The following CFDP1 variants were observed in gnomAD, a reference collection of about 807,000 sequenced individuals.
CFDP1 encodes the protein heterochromatin-stabilizing protein CFDP1.
CFDP1 carries 31 observed loss-of-function variants against 40.1 expected under a neutral mutation model. The observed-to-expected ratio is 0.77, with a 90% CI of 0.58 to 1.04. The LOEUF is 1.04. Ranked by LOEUF, CFDP1 falls within the 50% of genes least tolerant of loss-of-function variation. The pLI is 0.00. For missense variants in CFDP1, 423 were observed against 343.4 expected (o/e 1.23, Z -1.83); for synonymous variants, 167 against 120.0 (o/e 1.39, Z -2.56).
intron 5 of CFDP1, among the ~76,000 whole-genome samples, chr16:75,368,082 G>A (rs186995921): frequency 6.6e-6 from 1 of 152,222 alleles, no homozygotes; most frequent in Admixed American, 6.5e-5. Flanking sequence ...TGGCCACAGA[G>A]AAGACTCCAT....
At chr16:75,398,962 C>A (rs552493629) in intron 4 of CFDP1, among the ~76,000 whole-genome samples, 3 of 148,938 alleles carry the variant, frequency 2.0e-5, no homozygotes, top group African/African-American at 4.9e-5. Flanking sequence ...GAGGCTGAGG[C>A]AGGAGAATAG....
intron 5 of CFDP1, among the ~76,000 whole-genome samples, chr16:75,372,952 T>A (rs756429519): frequency 3.9e-5 from 6 of 152,162 alleles, no homozygotes; most frequent in Non-Finnish European, 7.4e-5. Flanking sequence ...CTTTATCAAC[T>A]GTAAAAGAAA....
chr16:75,324,415 A>G (rs923865127), intron 5 of CFDP1, among the ~76,000 whole-genome samples: 1 of 152,032 alleles, frequency 6.6e-6, no homozygotes, highest in African/African-American at 2.4e-5. Context: ...TATGAAAAAA[A>G]CTCACTCTAG....
chr16:75,341,888 A>G (rs2078529790), intron 5 of CFDP1, among the ~76,000 whole-genome samples: 1 of 152,094 alleles, frequency 6.6e-6, no homozygotes, highest in Non-Finnish European at 1.5e-5. Flanking sequence ...GAGCAATCAA[A>G]AGACCTAGGT....
rs192773714 is a variant in CFDP1 at position 75,380,409 on chromosome 16, G to A, written c.650+14681C>T. Reference sequence around the variant, plus strand: ...TAGTGGTTACAGCCGGCAGGGTGGGGTGGGGGAAGACAGTTTCAATAACTT... The same window carrying A: ...TAGTGGTTACAGCCGGCAGGGTGGGATGGGGGAAGACAGTTTCAATAACTT... On this transcript the variant is annotated intron_variant, in intron 5 of 6. Transcript: ENST00000283882. 3.9e-5 allele frequency among the ~76,000 whole-genome samples: 6 copies of A among 152,282 alleles called. No individual in the cohort carries two copies. The East Asian group carries it at 9.6e-4, about 24-fold the overall frequency.
intron 5 of CFDP1, among the ~76,000 whole-genome samples, chr16:75,359,247 A>C (rs1457596601): frequency 6.6e-6 from 1 of 152,330 alleles, no homozygotes; most frequent in East Asian, 1.9e-4. Flanking sequence ...TACTATAAAT[A>C]ACAACAGTTA....
intron 5 of CFDP1, among the ~76,000 whole-genome samples, chr16:75,344,282 CACA>C (rs1479703047): frequency 6.6e-6 from 1 of 152,160 alleles, no homozygotes; most frequent in Non-Finnish European, 1.5e-5. Flanking sequence ...GTGATGGCTA[CACA>C]ACACTGTGTA....
intron 5 of CFDP1, among the ~76,000 whole-genome samples, chr16:75,341,522 T>C (rs1315545884): frequency 6.6e-6 from 1 of 152,184 alleles, no homozygotes; most frequent in Non-Finnish European, 1.5e-5. Flanking sequence ...TTGGCTAGAT[T>C]AGCAGAGAGT....
At chr16:75,353,221 C>G (rs984999225) in intron 5 of CFDP1, among the ~76,000 whole-genome samples, 4 of 152,166 alleles carry the variant, frequency 2.6e-5, no homozygotes, top group Non-Finnish European at 4.4e-5. Context: ...ATTAACCAAA[C>G]TTATTAGACC....
At position 75,305,073 on chromosome 16, in the gene CFDP1, C is replaced by G. The variant is rs139249435; in HGVS notation, c.760G>C (p.Glu254Gln). 1 of 1,614,078 alleles carries G rather than the reference C, an allele frequency of 6.2e-7. No individual in the cohort carries two copies. Among genetic ancestry groups the G allele is most frequent in the Non-Finnish European group, 8.5e-7 (1 of 1,180,046 alleles). The change falls in exon 6 of 7, where the codon GAA (glutamate) becomes CAA (glutamine). Residue 254 changes from glutamate to glutamine, a missense_variant. Physicochemically the swap from Glu to Gln is conservative, Grantham distance 29. Transcript: ENST00000283882. Reference sequence around the variant, plus strand: ...GCCAGTTCTTCACCAATCCCCTCTTCCTCCTTGAAGCTCTCCCAGTCCAGT... The same window carrying G: ...GCCAGTTCTTCACCAATCCCCTCTTGCTCCTTGAAGCTCTCCCAGTCCAGT... Reference protein sequence around the residue: ...SKLDWESFKEEEGIGEELAIH... With the variant: ...SKLDWESFKEQEGIGEELAIH...
In CFDP1 at chr16:75,411,862, T is replaced by G. The variant is rs748331626; in HGVS notation, c.493A>C (p.Ile165Leu). 1 of 1,611,952 alleles carries G rather than the reference T, an allele frequency of 6.2e-7. No individual in the cohort carries two copies. The change falls in exon 4 of 7, where the codon ATC becomes CTC. Residue 165 changes from isoleucine (I) to leucine (L), a missense_variant. Ile to Leu is a conservative substitution (Grantham distance 5). Transcript: ENST00000283882. The part of the protein sequence containing the change: ...EKPKETEKVK[I>L]TKVFDFAGEE... ...CCAGCAAAATCAAACACCTTGGTGATTTTAACTTTTTCTGTTTCTTTAGGT... is the reference window on the plus strand; with the variant it reads ...CCAGCAAAATCAAACACCTTGGTGAGTTTAACTTTTTCTGTTTCTTTAGGT...
intron 5 of CFDP1, among the ~76,000 whole-genome samples, chr16:75,360,545 G>A (rs184662438): frequency 7.1e-4 from 108 of 152,294 alleles, no homozygotes; most frequent in African/African-American, 2.5e-3. Context: ...TTCTTATATC[G>A]CATTAACCCC....
intron 3 of CFDP1, among the ~76,000 whole-genome samples, chr16:75,412,305 C>A (rs560019108): frequency 3.3e-4 from 51 of 152,306 alleles, no homozygotes; most frequent in African/African-American, 1.2e-3. Flanking sequence ...TGGTGTGTGG[C>A]ACTGCAGTCA....
At chr16:75,409,071 C>A (rs1036938802) in intron 4 of CFDP1, among the ~76,000 whole-genome samples, 1 of 151,818 alleles carries the variant, frequency 6.6e-6, no homozygotes, top group Non-Finnish European at 1.5e-5. Flanking sequence ...GTTGTTCAGG[C>A]TGGTCTCGAA....
At chr16:75,409,601 A>T (rs1332070297) in intron 4 of CFDP1, 1 of 152,222 alleles carries the variant, frequency 6.6e-6, no homozygotes, top group Non-Finnish European at 1.5e-5. Flanking sequence ...ATCTGCTCTA[A>T]CATTAACTTT....
intron 5 of CFDP1, among the ~76,000 whole-genome samples, chr16:75,364,110 G>C (rs1316480039): frequency 6.6e-6 from 1 of 151,564 alleles, no homozygotes; most frequent in Non-Finnish European, 1.5e-5. Flanking sequence ...TGTGTTTAAA[G>C]TGAAATTAAA....
intron 1 of CFDP1, among the ~76,000 whole-genome samples, chr16:75,432,595 A>C (rs944658770): frequency 2.7e-5 from 4 of 149,680 alleles, no homozygotes; most frequent in African/African-American, 9.9e-5. Context: ...AATAGGGACG[A>C]CTCCTGGGTT....
At chr16:75,395,340 A>G in intron 4 of CFDP1, 131 bp from the exon 5 acceptor site, 1 of 967,764 alleles carries the variant, frequency 1.0e-6, no homozygotes. Context: ...CAGCATTATG[A>G]TAAAAGTTTA....
chr16:75,388,212 C>T (rs2078916605), intron 5 of CFDP1, among the ~76,000 whole-genome samples: 2 of 152,190 alleles, frequency 1.3e-5, no homozygotes, highest in Non-Finnish European at 2.9e-5. Context: ...TTAGTGCCTA[C>T]TCTTGGAATG....
Sources: allele counts gnomAD v4.1 joint callset (sites outside exome capture counted in the v4.1 genomes callset), GRCh38; gene constraint gnomAD v4.1.1; transcripts MANE v1.5; gene names NCBI Gene and HGNC (gene_info 2026-07-23, HGNC 2026-07-21).